Variants in HAPLN2 observed in about 807,000 individuals in gnomAD.
HAPLN2 encodes brain link protein-1.
A neutral mutation model predicts 29.3 loss-of-function variants in HAPLN2; 27 were observed. The observed-to-expected ratio is 0.92, with a 90% CI of 0.68 to 1.27. The LOEUF is 1.27. HAPLN2 is among the 50% of genes most tolerant of loss of function. The pLI, the probability that HAPLN2 is intolerant of heterozygous loss-of-function variation, is 0.00. For missense variants in HAPLN2, 454 were observed against 484.3 expected, an observed-to-expected ratio of 0.94 and a Z score of 0.59; for synonymous variants, 208 against 211.7, an observed-to-expected ratio of 0.98 and a Z score of 0.15.
chr1:156,624,909 G>GGGGGCCCCCCCCC, intron 6 of HAPLN2, 126 bp downstream of exon 6: 2 of 999,506 alleles, frequency 2.0e-6, no homozygotes, highest in Non-Finnish European at 2.8e-6. Context: ...CCCCCCATCA[G>GGGGGCCCCCCCCC]CCCGCCCGCC....
the HAPLN2 span, among the ~76,000 whole-genome samples, chr1:156,606,436 A>AG: frequency 2.0e-5 from 3 of 150,344 alleles, no homozygotes; most frequent in East Asian, 5.8e-4. Flanking sequence ...AAAAAAAAAA[A>AG]AAAAAAAAAA....
chr1:156,609,426 T>G, the HAPLN2 span, among the ~76,000 whole-genome samples: 3 of 152,228 alleles, frequency 2.0e-5, no homozygotes, highest in Admixed American at 2.0e-4. Context: ...TTAAGGGGGC[T>G]TTTCACTTTT....
the HAPLN2 span, among the ~76,000 whole-genome samples, chr1:156,605,861 T>C: frequency 5.8e-3 from 887 of 151,666 alleles, 16 homozygotes; most frequent in African/African-American, 0.02. Context: ...TTTCAACAAA[T>C]GGTGTTGGCC....
At chr1:156,606,630 G>A in the HAPLN2 span, among the ~76,000 whole-genome samples, 1 of 151,870 alleles carries the variant, frequency 6.6e-6, no homozygotes, top group African/African-American at 2.4e-5. Context: ...CCACAGGAGT[G>A]GCACACCATA....
chr1:156,612,753 A>G, the HAPLN2 span, among the ~76,000 whole-genome samples: 1 of 152,176 alleles, frequency 6.6e-6, no homozygotes, highest in Non-Finnish European at 1.5e-5. Context: ...CTTGGAGTTC[A>G]TAGCTGGTTC....
upstream of HAPLN2, among the ~76,000 whole-genome samples, chr1:156,615,596 A>T (rs1678037703): frequency 6.9e-6 from 1 of 145,762 alleles, no homozygotes; most frequent in African/African-American, 2.6e-5. Context: ...TTTCAGACAG[A>T]ATCTTGGTCT....
chr1:156,608,985 G>A, the HAPLN2 span, among the ~76,000 whole-genome samples: 1 of 152,216 alleles, frequency 6.6e-6, no homozygotes, highest in Non-Finnish European at 1.5e-5. Context: ...TGGGAGTAGA[G>A]CTGGGAAGGA....
intron 2 of HAPLN2, 105 bp from the exon 3 acceptor site, chr1:156,623,362 T>C (rs1339100764): frequency 1.1e-5 from 10 of 951,276 alleles, no homozygotes; most frequent in Non-Finnish European, 1.6e-5. Context: ...GGCTTCCAGC[T>C]GGACAGTCCC....
chr1:156,610,413 G>A, the HAPLN2 span, among the ~76,000 whole-genome samples: 2 of 152,076 alleles, frequency 1.3e-5, no homozygotes, highest in African/African-American at 2.4e-5. Flanking sequence ...CAAGGCAGAC[G>A]GATCACCTGA....
Position 156,624,633 on chromosome 1 carries a change from G to C in HAPLN2, c.589G>C (p.Gly197Arg). 1 of 1,612,652 alleles carries C rather than the reference G, an allele frequency of 6.2e-7. No homozygotes were observed. The highest frequency in any genetic ancestry group is 8.5e-7 in the Non-Finnish European group (1 of 1,179,642). ...CGAGGGTCTGGACTGGTGTAACGCG[G>C]GCTGGCTGCTCGAGGGCTCCGTGCG... ...WTEGLDWCNAGWLLEGSVRYP... is the reference protein window; with the variant it reads ...WTEGLDWCNARWLLEGSVRYP... Residue 197 changes from glycine to arginine, a missense_variant, in exon 6 of 7, where the codon GGC becomes CGC. Transcript: ENST00000255039.
At chr1:156,620,310 C>T in intron 2 of HAPLN2, among the ~76,000 whole-genome samples, 152 bp downstream of exon 2, 1 of 152,226 alleles carries the variant, frequency 6.6e-6, no homozygotes, top group South Asian at 2.1e-4. Context: ...AACCCTTCCT[C>T]TTACTAGCTG....
At chr1:156,604,890 A>G in the HAPLN2 span, among the ~76,000 whole-genome samples, 1 of 151,846 alleles carries the variant, frequency 6.6e-6, no homozygotes, top group Non-Finnish European at 1.5e-5. Context: ...TATAAATTCA[A>G]CACAATCTCT....
chr1:156,616,406 C>T (rs375496161), upstream of HAPLN2, among the ~76,000 whole-genome samples: 6 of 152,300 alleles, frequency 3.9e-5, no homozygotes, highest in East Asian at 5.8e-4. Flanking sequence ...TCTGTCCTCA[C>T]TGGGTTGTTT....
In HAPLN2 at chr1:156,625,251, A is replaced by G; in HGVS notation, c.890A>G (p.Asp297Gly). The change falls in exon 7 of 7, where the codon GAC becomes GGC. Residue 297 changes from aspartate to glycine, a missense_variant. Asp to Gly is a moderately conservative substitution (Grantham distance 94). Coordinates refer to ENST00000255039, the MANE Select transcript of HAPLN2 (RefSeq NM_021817.3). This position sits in a 1 kb window ranked among gnomAD's most constrained non-coding sequence, Gnocchi z 5.7. ...LDQCDGGWLA[D>G]GSVRFPITTP... Reference sequence around the variant, plus strand: ...CAGTGCGACGGCGGCTGGCTGGCTGACGGCAGTGTGCGCTTCCCAATCACC... The same window carrying G: ...CAGTGCGACGGCGGCTGGCTGGCTGGCGGCAGTGTGCGCTTCCCAATCACC... 6.4e-7 allele frequency: 1 copy of G among 1,574,064 alleles called. No homozygotes were observed. The highest frequency in any genetic ancestry group is 1.7e-4 in the Middle Eastern group (1 of 5,732).
chr1:156,608,048 T>C, the HAPLN2 span, among the ~76,000 whole-genome samples: 18 of 152,222 alleles, frequency 1.2e-4, no homozygotes, highest in Non-Finnish European at 2.1e-4. Context: ...AATAAAGATA[T>C]TATGATCCCT....
the HAPLN2 span, among the ~76,000 whole-genome samples, chr1:156,608,279 T>G: frequency 2.6e-5 from 4 of 152,216 alleles, no homozygotes; most frequent in African/African-American, 9.7e-5. Context: ...CAGGTTCAGC[T>G]GAACACTTAT....
chr1:156,617,724 C>A (rs1678096436), upstream of HAPLN2, among the ~76,000 whole-genome samples: 1 of 149,376 alleles, frequency 6.7e-6, no homozygotes, highest in African/African-American at 2.5e-5. Context: ...TTCCATGGGG[C>A]TACAGCAGAG....
intron 4 of HAPLN2, 90 bp from the exon 5 acceptor site, chr1:156,624,261 G>A: frequency 6.6e-7 from 1 of 1,504,428 alleles, no homozygotes; most frequent in Non-Finnish European, 9.0e-7. Context: ...CACCCCTGGG[G>A]ACCCCAGCTC....
chr1:156,624,954 CT>C, intron 6 of HAPLN2, 146 bp from the exon 7 acceptor site: 1 of 1,115,884 alleles, frequency 9.0e-7, no homozygotes, highest in African/African-American at 1.6e-5. Context: ...CAAACCCTCC[CT>C]GCACTTTTGC....
Sources: gnomAD v4.1 joint callset for allele counts (sites outside exome capture counted in the v4.1 genomes callset) on GRCh38, gnomAD v4.1.1 for gene constraint, Gnocchi (gnomAD v3.1) non-coding constraint, MANE v1.5 for transcripts, NCBI Gene and HGNC (gene_info 2026-07-23, HGNC 2026-07-21) for gene names.